ZFYVE26: variants seen among roughly 807,000 people sequenced by gnomAD.
The protein encoded by ZFYVE26 is zinc finger FYVE-type containing 26.
In ZFYVE26, 181 loss-of-function variants were observed where a neutral mutation model predicts 276.5. The observed-to-expected ratio is 0.65, with a 90% CI of 0.58 to 0.74. The LOEUF (loss-of-function observed/expected upper bound fraction) is 0.74, where lower values mean the gene tolerates loss of function less well. ZFYVE26 is among the 30% of genes least tolerant of loss of function. The probability of loss-of-function intolerance (pLI) is 0.00; values close to 1 mark genes in which losing one functional copy is unlikely to be tolerated. For missense variants in ZFYVE26, 2,821 were observed against 3,097.9 expected, an observed-to-expected ratio of 0.91 and a Z score of 2.12; for synonymous variants, 1,129 against 1,203.1, an observed-to-expected ratio of 0.94 and a Z score of 1.27.
chr14:67,811,068 A>C (rs553351000), intron 3 of ZFYVE26, among the ~76,000 whole-genome samples: 2 of 152,184 alleles, frequency 1.3e-5, no homozygotes, highest in South Asian at 4.1e-4. Flanking sequence ...GGCCATGTGA[A>C]TGCTTGTATA....
chr14:67,733,713 T>C, intron 13 of ZFYVE26: 1 of 1,428,244 alleles, frequency 7.0e-7, no homozygotes, highest in Non-Finnish European at 9.9e-7. Flanking sequence ...TAATTCTCAT[T>C]CCTGGAATTT....
chr14:67,797,894 A>G, intron 11 of ZFYVE26, 120 bp downstream of exon 11: 1 of 1,588,164 alleles, frequency 6.3e-7, no homozygotes, highest in South Asian at 1.1e-5. Context: ...ACTGGTTGCC[A>G]TGGTGACGAT....
intron 4 of ZFYVE26, 78 bp from the exon 5 acceptor site, chr14:67,807,998 C>T (rs888535053): frequency 2.0e-6 from 3 of 1,534,012 alleles, no homozygotes; most frequent in Non-Finnish European, 9.0e-7. Flanking sequence ...ATGCTTTCCT[C>T]TTTTTCAGTT....
chr14:67,802,693 G>T (rs2040102824), intron 9 of ZFYVE26, among the ~76,000 whole-genome samples: 1 of 151,994 alleles, frequency 6.6e-6, no homozygotes, highest in South Asian at 2.1e-4. Context: ...TTAAAATACT[G>T]TATTTCTTTG....
In ZFYVE26 at chr14:67,781,389, C is replaced by G; in HGVS notation, c.4513G>C (p.Glu1505Gln). 1 of 1,614,224 alleles carries G rather than the reference C, an allele frequency of 6.2e-7. No individual in the cohort carries two copies. The highest frequency in any genetic ancestry group is 1.1e-5 in the South Asian group (1 of 91,086). The change falls in exon 22 of 42, where the codon GAA (glutamate) becomes CAA (glutamine). Residue 1505 changes from glutamate (E) to glutamine (Q), a missense_variant. Coordinates refer to ENST00000347230, the MANE Select transcript of ZFYVE26 (RefSeq NM_015346.4). ...AYCISDTAVQ[E>Q]GLKCELQRKL... is the part of the protein sequence containing the mutation. The stretch of plus-strand genomic sequence containing the variant: ...CTCTGTAGCTCACACTTTAGTCCTT[C>G]TTGGACAGCCGTGTCTGAAATGCAG...
At chr14:67,736,732 C>G (rs555810365) in intron 13 of ZFYVE26, among the ~76,000 whole-genome samples, 1 of 152,130 alleles carries the variant, frequency 6.6e-6, no homozygotes, top group African/African-American at 2.4e-5. Context: ...AAACGGACTT[C>G]GAGATACAGA....
chr14:67,764,123 T>C (rs963704821), intron 32 of ZFYVE26, among the ~76,000 whole-genome samples: 5 of 152,082 alleles, frequency 3.3e-5, no homozygotes, highest in Non-Finnish European at 1.5e-5. Context: ...CTTATAAGGA[T>C]AGAAAGCCCA....
chr14:67,799,520 G>C (rs1326783952), intron 10 of ZFYVE26: 2 of 1,592,934 alleles, frequency 1.3e-6, no homozygotes, highest in Non-Finnish European at 1.7e-6. Flanking sequence ...AAAGGAAATG[G>C]ACAGTTTTCT....
chr14:67,757,808 G>T (rs1033725309), intron 35 of ZFYVE26, among the ~76,000 whole-genome samples: 2 of 151,948 alleles, frequency 1.3e-5, no homozygotes, highest in African/African-American at 4.8e-5. Context: ...TCCGCCTCCT[G>T]GGTTCAAGCG....
intron 16 of ZFYVE26, 102 bp from the exon 17 acceptor site, chr14:67,786,335 C>G: frequency 1.4e-6 from 2 of 1,406,842 alleles, no homozygotes; most frequent in Non-Finnish European, 9.6e-7. Context: ...TTTATCCTCT[C>G]CAATATTAAG....
intron 41 of ZFYVE26, chr14:67,750,680 A>G: frequency 3.0e-6 from 1 of 329,050 alleles, no homozygotes; most frequent in Non-Finnish European, 5.9e-6. Context: ...TCTAGGATAA[A>G]GAGATACCTG....
downstream of ZFYVE26, among the ~76,000 whole-genome samples, chr14:67,742,504 T>A (rs2038425666): frequency 6.6e-6 from 1 of 152,218 alleles, no homozygotes; most frequent in Admixed American, 6.5e-5. Flanking sequence ...TATAGAGAAG[T>A]CCTTTGATTC....
At chr14:67,794,840 C>T (rs1173102016) in intron 12 of ZFYVE26, among the ~76,000 whole-genome samples, 2 of 152,004 alleles carry the variant, frequency 1.3e-5, no homozygotes, top group East Asian at 3.9e-4. Context: ...CCCAGCTACC[C>T]AGGAGGTTGC....
At chr14:67,758,897 T>C (rs1448225732) in intron 35 of ZFYVE26, among the ~76,000 whole-genome samples, 1 of 152,056 alleles carries the variant, frequency 6.6e-6, no homozygotes, top group Non-Finnish European at 1.5e-5. Flanking sequence ...AGCCTCCCAA[T>C]GTGCTGGGAT....
intron 10 of ZFYVE26, chr14:67,798,947 C>CTTTATTTTATTTATTTTATT: frequency 8.9e-7 from 1 of 1,127,870 alleles, no homozygotes; most frequent in East Asian, 2.4e-5. Flanking sequence ...ATCTTTATTT[C>CTTTATTTTATTTATTTTATT]TCGCGCCGCG....
rs535593125 is a variant in ZFYVE26 at position 67,799,064 on chromosome 14, G to A, written c.1640-442C>T. 232 of 1,191,618 alleles carry A rather than the reference G, an allele frequency of 1.9e-4. 3 individuals are homozygous for A. The South Asian group carries it at 2.7e-3, about 14-fold the overall frequency. The allele number at this position is 1,191,618 out of a possible 1,614,324, so 73.8% of individuals were successfully genotyped here. On this transcript the variant is annotated intron_variant, in intron 10 of 41. Coordinates refer to ENST00000347230, the MANE Select transcript of ZFYVE26 (RefSeq NM_015346.4). Reference sequence around the variant, plus strand: ...CAAAGAACAGAGAGCAGTGTACGATGAGCAGGGAACAGTGGACGAGGACTC... The same window carrying A: ...CAAAGAACAGAGAGCAGTGTACGATAAGCAGGGAACAGTGGACGAGGACTC...
chr14:67,804,704 A>G (rs2040141875), intron 8 of ZFYVE26, among the ~76,000 whole-genome samples: 1 of 152,246 alleles, frequency 6.6e-6, no homozygotes, highest in African/African-American at 2.4e-5. Flanking sequence ...AAGTTACCAG[A>G]GAAACACAGG....
intron 41 of ZFYVE26, 99 bp from the exon 42 acceptor site, chr14:67,748,738 C>T (rs2038555731): frequency 1.6e-6 from 2 of 1,212,982 alleles, no homozygotes; most frequent in East Asian, 5.0e-5. Context: ...GACACCATGT[C>T]TCACCTGCCA....
Position 67,789,534 on chromosome 14 carries a change from G to A in ZFYVE26, c.2820C>T (p.Ile940=), listed in dbSNP as rs866746104. The A allele has an allele frequency of 1.9e-6, 3 of 1,614,174 alleles. No homozygotes were observed. The highest frequency in any genetic ancestry group is 3.3e-5 in the Admixed American group (2 of 60,034). The change falls in exon 16 of 42, where the codon ATC becomes ATT. Residue 940 remains isoleucine, a synonymous_variant. Coordinates refer to ENST00000347230, the MANE Select transcript of ZFYVE26 (RefSeq NM_015346.4). The stretch of plus-strand genomic sequence containing the variant: ...TCCAAAAGTCCTCCTGGAGCATGGG[G>A]ATGGGGTCTCCAGAGGTGTTGAGCA... The part of the protein sequence containing the change: ...DKLLNTSGDP[I]PMLQEDFWIS...
Sources: allele counts gnomAD v4.1 joint callset (sites outside exome capture counted in the v4.1 genomes callset), GRCh38; gene constraint gnomAD v4.1.1; transcripts MANE v1.5; gene names NCBI Gene and HGNC (gene_info 2026-07-23, HGNC 2026-07-21).